Variants in WWP1 observed in about 807,000 individuals in gnomAD.
WWP1 encodes the protein WW domain containing E3 ubiquitin protein ligase 1, also known as NEDD4-like E3 ubiquitin-protein ligase WWP1.
Under a neutral mutation model 130.6 loss-of-function variants are expected in WWP1, and 49 were observed. The observed-to-expected ratio is 0.38, with a 90% CI of 0.30 to 0.48. The LOEUF is 0.48. Among genes scored for constraint, WWP1 ranks in the 20% least tolerant of loss-of-function variants. WWP1 has a pLI of 0.99. For synonymous variants in WWP1, 332 were observed against 367.8 expected, an observed-to-expected ratio of 0.90 and a Z score of 1.11; for missense variants, 809 against 1,100.6, an observed-to-expected ratio of 0.74 and a Z score of 3.75.
At chr8:86,435,932 C>T (rs150946732) in intron 16 of WWP1, among the ~76,000 whole-genome samples, 63 of 152,158 alleles carry the variant, frequency 4.1e-4, no homozygotes, top group Middle Eastern at 3.4e-3. Context: ...CCTCTGGGCT[C>T]GAACGATCTA....
chr8:86,410,838 C>G (rs1808542610), intron 8 of WWP1, among the ~76,000 whole-genome samples: 1 of 151,628 alleles, frequency 6.6e-6, no homozygotes. Context: ...CATTAATTCT[C>G]CTAAAATTTG....
At chr8:86,424,358 C>G (rs927885393) in intron 9 of WWP1, among the ~76,000 whole-genome samples, 103 of 141,716 alleles carry the variant, frequency 7.3e-4, no homozygotes, top group African/African-American at 2.6e-3. Flanking sequence ...ACATCCCAGA[C>G]GATGGGCGGC....
chr8:86,415,402 C>T (rs1296396735), intron 9 of WWP1, among the ~76,000 whole-genome samples: 4 of 152,160 alleles, frequency 2.6e-5, no homozygotes, highest in South Asian at 2.1e-4. Context: ...TGCCTTATCT[C>T]ATCTCTTCAT....
intron 1 of WWP1, among the ~76,000 whole-genome samples, chr8:86,363,665 GGGCACCTGT>G (rs1823799966): frequency 6.6e-6 from 1 of 151,824 alleles, no homozygotes; most frequent in Admixed American, 6.6e-5. Context: ...AGCCGGGTGT[GGGCACCTGT>G]GGCCCCAGCT....
intron 5 of WWP1, among the ~76,000 whole-genome samples, chr8:86,384,154 A>T (rs1052973874): frequency 6.6e-6 from 1 of 152,190 alleles, no homozygotes; most frequent in Admixed American, 6.5e-5. Context: ...GCCTACCCCA[A>T]TGACATTATT....
At chr8:86,396,341 C>T (rs866719010) in intron 5 of WWP1, among the ~76,000 whole-genome samples, 57 of 152,196 alleles carry the variant, frequency 3.7e-4, no homozygotes, top group African/African-American at 1.2e-3. Flanking sequence ...TCTTGTGATC[C>T]GCCCGCCTCG....
At chr8:86,428,216 G>A (rs1452675565) in intron 11 of WWP1, among the ~76,000 whole-genome samples, 1 of 152,028 alleles carries the variant, frequency 6.6e-6, no homozygotes. Flanking sequence ...TACCTATTCT[G>A]ATTCTCTTCC....
chr8:86,388,488 A>G (rs1293295915), intron 5 of WWP1, among the ~76,000 whole-genome samples: 1 of 152,104 alleles, frequency 6.6e-6, no homozygotes, highest in Non-Finnish European at 1.5e-5. Flanking sequence ...TTTCTCCTTC[A>G]TTATGATTTG....
rs1036956003 is a variant in WWP1 at position 86,468,466 on chromosome 8, T to C, written c.*1573T>C. 1 of 430,922 alleles carries C rather than the reference T, an allele frequency of 2.3e-6. No individual in the cohort carries two copies. Among genetic ancestry groups the C allele is most frequent in the Admixed American group, 2.8e-5 (1 of 35,634 alleles). 26.7% of individuals were successfully genotyped at this position (430,922 alleles called of 1,614,324 possible). ...AAATTCTAATGTATGTGACAGGTTA[T>C]GTGATAGAGGGAAACTGGCCTTCAA... is the stretch of plus-strand genomic sequence containing the variant. On this transcript the variant is annotated 3_prime_UTR_variant, in exon 25 of 25. Transcript: ENST00000517970.
At chr8:86,461,887 A>G in intron 24 of WWP1, 41 bp downstream of exon 24, 1 of 1,517,320 alleles carries the variant, frequency 6.6e-7, no homozygotes, top group Non-Finnish European at 9.1e-7. Context: ...AAAGCCACAG[A>G]GAATCTTTTG....
In WWP1 at chr8:86,423,524, A is replaced by G. The variant is rs1809353647; in HGVS notation, c.1062-1699A>G. 3.9e-5 allele frequency among the ~76,000 whole-genome samples: 6 copies of G among 152,186 alleles called. No individual in the cohort carries two copies. In the South Asian group the frequency reaches 1.2e-3, roughly 31 times the overall value. ...TGAGTGGACACAGCACATGTTTCAGAGAGCACAGGGTTGGGGGCAAGGTCA... is the reference window on the plus strand; with the variant it reads ...TGAGTGGACACAGCACATGTTTCAGGGAGCACAGGGTTGGGGGCAAGGTCA... On this transcript the variant is annotated intron_variant, in intron 9 of 24. Transcript: ENST00000517970.
At chr8:86,384,966 G>A (rs1047803108) in intron 5 of WWP1, among the ~76,000 whole-genome samples, 3 of 151,454 alleles carry the variant, frequency 2.0e-5, no homozygotes, top group Non-Finnish European at 4.4e-5. Context: ...GGTGGTTGCA[G>A]TGAGCCAAGA....
chr8:86,429,231 C>G (rs560813507), intron 11 of WWP1, among the ~76,000 whole-genome samples: 1 of 152,154 alleles, frequency 6.6e-6, no homozygotes, highest in African/African-American at 2.4e-5. Flanking sequence ...TTTTACTTAG[C>G]GAAGGATGCC....
At chr8:86,455,636 G>A (rs1811400503) in intron 21 of WWP1, among the ~76,000 whole-genome samples, 1 of 151,884 alleles carries the variant, frequency 6.6e-6, no homozygotes, top group Admixed American at 6.6e-5. Flanking sequence ...TGAAAACATT[G>A]CTCAGAAAAA....
At chr8:86,400,318 G>A (rs1807902359) in intron 7 of WWP1, among the ~76,000 whole-genome samples, 1 of 151,792 alleles carries the variant, frequency 6.6e-6, no homozygotes, top group South Asian at 2.1e-4. Flanking sequence ...GGGCGACAGA[G>A]CAAGACTTCG....
chr8:86,459,343 C>T (rs1180092193), intron 22 of WWP1, among the ~76,000 whole-genome samples: 1 of 151,920 alleles, frequency 6.6e-6, no homozygotes, highest in East Asian at 1.9e-4. Context: ...GCTTTTCTTT[C>T]CTTTTTTAAA....
At chr8:86,411,917 ACT>A (rs1415470901) in intron 9 of WWP1, 43 bp downstream of exon 9, 1 of 1,505,686 alleles carries the variant, frequency 6.6e-7, no homozygotes, top group East Asian at 2.3e-5. Context: ...TTAAGTAGCA[ACT>A]CTGTTAACAT....
Position 86,461,309 on chromosome 8 carries a change from C to T in WWP1, c.2585C>T (p.Ala862Val). 1 of 1,613,734 alleles carries T rather than the reference C, an allele frequency of 6.2e-7. No homozygotes were observed. The highest frequency in any genetic ancestry group is 1.1e-5 in the South Asian group (1 of 91,066). The change falls in exon 23 of 25, where the codon GCT becomes GTT. Residue 862 changes from alanine to valine, a missense_variant. This residue lies in a region of WWP1 where 450 missense variants were observed against 674.2 expected (regional missense o/e 0.67). Transcript: ENST00000517970. ...TGCCGTTTACCTCTAGGAGGATTTG[C>T]TGAGCTCATGGGTAAATGTAATTTC... ...GTCRLPLGGF[A>V]ELMGSNGPQK...
At position 86,468,359 on chromosome 8, in the gene WWP1, A is replaced by G; in HGVS notation, c.*1466A>G. The stretch of plus-strand genomic sequence containing the variant: ...TAGTAAAGACGAAAGAAAGGCAGAG[A>G]TCTGCTTGGTTGAATAGACTCCTTT... On this transcript the variant is annotated 3_prime_UTR_variant, in exon 25 of 25. Transcript: ENST00000517970. 1 of 453,606 alleles carries G rather than the reference A, an allele frequency of 2.2e-6. No individual in the cohort carries two copies. The highest frequency in any genetic ancestry group is 1.6e-5 in the South Asian group (1 of 63,400). 28.1% of individuals were successfully genotyped at this position (453,606 alleles called of 1,614,324 possible).
Sources: gnomAD v4.1 joint callset for allele counts (sites outside exome capture counted in the v4.1 genomes callset) on GRCh38, gnomAD v4.1.1 for gene constraint, gnomAD v4.1.1 regional missense constraint, MANE v1.5 for transcripts, NCBI Gene and HGNC (gene_info 2026-07-23, HGNC 2026-07-21) for gene names.